Variants in SRGAP3 observed in about 807,000 individuals in gnomAD.
SRGAP3 encodes SLIT-ROBO Rho GTPase activating protein 3.
In SRGAP3, 39 loss-of-function variants were observed where a neutral mutation model predicts 121.1. The ratio of observed to expected loss-of-function variants is 0.32; its 90% CI spans 0.25 to 0.42. The LOEUF is 0.42. Ranked by LOEUF, SRGAP3 falls within the 10% of genes least tolerant of loss-of-function variation. The pLI, the probability that SRGAP3 is intolerant of heterozygous loss-of-function variation, is 1.00. For synonymous variants in SRGAP3, 601 were observed against 570.0 expected, an observed-to-expected ratio of 1.05 and a Z score of -0.77; for missense variants, 1,213 against 1,470.6, an observed-to-expected ratio of 0.82 and a Z score of 2.86.
chr3:9,265,869 T>C (rs769955922), intron 3 of SRGAP3, among the ~76,000 whole-genome samples: 2 of 152,228 alleles, frequency 1.3e-5, no homozygotes, highest in Non-Finnish European at 2.9e-5. Flanking sequence ...ATCTCATTAC[T>C]GGGTATATAC....
chr3:9,317,129 C>T (rs74326986), intron 3 of SRGAP3, among the ~76,000 whole-genome samples: 1,889 of 152,290 alleles, frequency 0.012, 34 homozygotes, highest in African/African-American at 0.038. Flanking sequence ...CGCGTTCTTC[C>T]GAGAGCCTGG....
At chr3:9,230,083 G>A (rs546721883) in intron 1 of SRGAP3, among the ~76,000 whole-genome samples, 94 of 152,310 alleles carry the variant, frequency 6.2e-4, no homozygotes, top group Middle Eastern at 6.8e-3. Flanking sequence ...AGCCTGCAGC[G>A]CGGCTCTTAC....
chr3:9,055,441 A>G (rs1018050408), intron 8 of SRGAP3, among the ~76,000 whole-genome samples: 1 of 152,232 alleles, frequency 6.6e-6, no homozygotes, highest in African/African-American at 2.4e-5. Flanking sequence ...GGAAGAGTCC[A>G]GGTTGGAATA....
intron 18 of SRGAP3, among the ~76,000 whole-genome samples, chr3:9,004,836 C>T (rs1043816222): frequency 2.0e-5 from 3 of 152,192 alleles, no homozygotes; most frequent in African/African-American, 7.2e-5. Context: ...TACAGGAATA[C>T]ATCCTCATGA....
chr3:9,196,747 A>G (rs1163403600), intron 1 of SRGAP3, among the ~76,000 whole-genome samples: 1 of 152,232 alleles, frequency 6.6e-6, no homozygotes, highest in Non-Finnish European at 1.5e-5. Context: ...ACATGGAAAA[A>G]TGCAAAGATA....
At chr3:9,001,266 T>C (rs1942751237) in intron 18 of SRGAP3, among the ~76,000 whole-genome samples, 1 of 152,180 alleles carries the variant, frequency 6.6e-6, no homozygotes, top group African/African-American at 2.4e-5. Context: ...AGAAACAATA[T>C]ATTTACAACA....
intron 1 of SRGAP3, among the ~76,000 whole-genome samples, chr3:9,133,032 T>C (rs912990811): frequency 1.3e-5 from 2 of 148,760 alleles, no homozygotes; most frequent in African/African-American, 4.9e-5. Context: ...ATATTATTTA[T>C]ATTATATGAT....
chr3:9,028,666 C>T (rs1313480737), intron 12 of SRGAP3, among the ~76,000 whole-genome samples: 1 of 152,218 alleles, frequency 6.6e-6, no homozygotes, highest in African/African-American at 2.4e-5. Context: ...ACAAGGTACC[C>T]TCTGGATAGA....
At chr3:9,060,075 C>T in intron 6 of SRGAP3, 156 bp downstream of exon 6, 3 of 1,202,826 alleles carry the variant, frequency 2.5e-6, no homozygotes, top group Non-Finnish European at 3.6e-6. Flanking sequence ...TTTCCACCTC[C>T]CCAAATCACT....
At chr3:9,312,898 AG>A (rs762350981) in intron 3 of SRGAP3, among the ~76,000 whole-genome samples, 36 of 152,312 alleles carry the variant, frequency 2.4e-4, no homozygotes, top group South Asian at 1.0e-3. Context: ...AGACTGAGGC[AG>A]GGGGATCACT....
chr3:9,084,899 C>T (rs552906900), intron 3 of SRGAP3, among the ~76,000 whole-genome samples: 1 of 152,284 alleles, frequency 6.6e-6, no homozygotes, highest in South Asian at 2.1e-4. Flanking sequence ...TAACTCTACA[C>T]GACTAGCACA....
chr3:9,148,050 A>C (rs1056510903), intron 1 of SRGAP3, among the ~76,000 whole-genome samples: 1 of 152,198 alleles, frequency 6.6e-6, no homozygotes, highest in Admixed American at 6.5e-5. Context: ...AAAGCCAGTG[A>C]GAGAAATACC....
intron 3 of SRGAP3, among the ~76,000 whole-genome samples, chr3:9,320,326 C>G (rs1955418776): frequency 6.6e-6 from 1 of 151,916 alleles, no homozygotes. Context: ...CAATGTCAAA[C>G]TGCAGTACCC....
chr3:9,033,147 G>A (rs1033695091), intron 11 of SRGAP3, among the ~76,000 whole-genome samples: 6 of 152,132 alleles, frequency 3.9e-5, no homozygotes, highest in Admixed American at 6.5e-5. Flanking sequence ...TGATTGTGAG[G>A]GTTAATTTTC....
At chr3:9,174,821 C>G (rs1204078598) in intron 1 of SRGAP3, among the ~76,000 whole-genome samples, 1 of 152,210 alleles carries the variant, frequency 6.6e-6, no homozygotes, top group Non-Finnish European at 1.5e-5. Flanking sequence ...GGAATCAGTA[C>G]TCGCAGCTGA....
intron 3 of SRGAP3, among the ~76,000 whole-genome samples, chr3:9,292,203 C>A (rs759628669): frequency 6.6e-6 from 1 of 152,216 alleles, no homozygotes; most frequent in Non-Finnish European, 1.5e-5. Context: ...TCAGAATCCC[C>A]CAGAGGGCCC....
Position 8,985,493 on chromosome 3 carries a change from C to T in SRGAP3, c.*26G>A, listed in dbSNP as rs1331457680. On this transcript the variant is annotated 3_prime_UTR_variant, in exon 22 of 22. Coordinates refer to ENST00000383836, the MANE Select transcript of SRGAP3 (RefSeq NM_014850.4). This position sits in a 1 kb window ranked among gnomAD's most constrained non-coding sequence, Gnocchi z 5.1. The stretch of plus-strand genomic sequence containing the variant: ...TGGGCCGTGGTGAGCCACAGCGGGC[C>T]ACGGCGGCGCGGCCCATCCTGCAGG... The T allele has an allele frequency of 6.3e-7, 1 of 1,597,596 alleles. No homozygotes were observed.
chr3:9,080,293 G>A (rs1158427535), intron 3 of SRGAP3, among the ~76,000 whole-genome samples: 5 of 152,108 alleles, frequency 3.3e-5, no homozygotes, highest in Non-Finnish European at 7.3e-5. Context: ...CCTTGCAGAT[G>A]GGATTCCCTG....
At chr3:9,307,690 C>A (rs986153759) in intron 3 of SRGAP3, among the ~76,000 whole-genome samples, 5 of 152,156 alleles carry the variant, frequency 3.3e-5, no homozygotes, top group African/African-American at 9.7e-5. Flanking sequence ...CAGATGGCAT[C>A]TTTGGCAAAA....
Sources: allele counts gnomAD v4.1 joint callset (sites outside exome capture counted in the v4.1 genomes callset), GRCh38; gene constraint gnomAD v4.1.1; non-coding constraint Gnocchi (gnomAD v3.1); transcripts MANE v1.5; gene names NCBI Gene and HGNC (gene_info 2026-07-23, HGNC 2026-07-21).